The following OR2L13 variants were observed in gnomAD, a reference collection of about 807,000 sequenced individuals.
OR2L13 encodes the protein olfactory receptor family 2 subfamily L member 13.
In OR2L13, 14 loss-of-function variants were observed where a neutral mutation model predicts 15.3. The ratio of observed to expected loss-of-function variants is 0.91; its 90% CI spans 0.60 to 1.43. OR2L13 has a LOEUF of 1.43. OR2L13 is among the 40% of genes most tolerant of loss of function. The pLI is 0.00. For synonymous variants in OR2L13, 152 were observed against 142.9 expected (o/e 1.06, Z -0.45); for missense variants, 367 against 387.9 (o/e 0.95, Z 0.45).
chr1:248,043,661 A>G, the OR2L13 span, among the ~76,000 whole-genome samples: 11 of 152,186 alleles, frequency 7.2e-5, no homozygotes, highest in African/African-American at 2.7e-4. Flanking sequence ...GGGTTCATGG[A>G]TCCTGCACAA....
the OR2L13 span, among the ~76,000 whole-genome samples, chr1:248,024,781 C>G: frequency 3.8e-4 from 58 of 152,230 alleles, no homozygotes; most frequent in African/African-American, 1.3e-3. Flanking sequence ...TGTTTTGATA[C>G]CAGTACCACG....
the OR2L13 span, among the ~76,000 whole-genome samples, chr1:247,975,820 A>G: frequency 6.6e-6 from 1 of 152,172 alleles, no homozygotes; most frequent in African/African-American, 2.4e-5. Context: ...ATATTCTAAG[A>G]CATCTATGTT....
At chr1:248,099,403 G>A (rs1399608431) in exon 3 of OR2L13, 2 of 1,612,672 alleles carry the variant, frequency 1.2e-6, no homozygotes, top group Non-Finnish European at 1.7e-6. Context: ...CACTTCAAAT[G>A]ATTTCATTTT....
the OR2L13 span, among the ~76,000 whole-genome samples, chr1:247,950,313 A>T: frequency 6.6e-3 from 1,005 of 152,302 alleles, 15 homozygotes; most frequent in African/African-American, 0.023. Flanking sequence ...CAGAAGGCTC[A>T]TCAGTGGTTC....
chr1:248,076,398 T>C, the OR2L13 span, among the ~76,000 whole-genome samples: 1 of 152,194 alleles, frequency 6.6e-6, no homozygotes, highest in Non-Finnish European at 1.5e-5. Flanking sequence ...CATTGGTAGC[T>C]TGATGGGGAT....
At chr1:247,977,473 CT>C in the OR2L13 span, among the ~76,000 whole-genome samples, 3 of 151,958 alleles carry the variant, frequency 2.0e-5, no homozygotes, top group East Asian at 1.9e-4. Flanking sequence ...CCTGTAGATA[CT>C]TTTTTTTAGA....
chr1:247,955,042 C>T, the OR2L13 span, among the ~76,000 whole-genome samples: 1 of 151,892 alleles, frequency 6.6e-6, no homozygotes, highest in African/African-American at 2.4e-5. Flanking sequence ...TGGTGTGCTG[C>T]ACCCATTAAC....
the OR2L13 span, among the ~76,000 whole-genome samples, chr1:247,961,618 A>G: frequency 1.6e-4 from 25 of 152,190 alleles, no homozygotes; most frequent in African/African-American, 5.8e-4. Flanking sequence ...GGGATCATGG[A>G]CAATATTGGG....
the OR2L13 span, among the ~76,000 whole-genome samples, chr1:248,076,164 T>C: frequency 0.04 from 6,045 of 152,104 alleles, 401 homozygotes; most frequent in African/African-American, 0.14. Context: ...TGTAGATGTA[T>C]GGCATTATTT....
chr1:248,000,101 TTTTC>T, the OR2L13 span, among the ~76,000 whole-genome samples: 3 of 149,452 alleles, frequency 2.0e-5, no homozygotes, highest in Non-Finnish European at 3.0e-5. Context: ...AGCTTTTTCT[TTTTC>T]TTTCTTTTTT....
chr1:247,989,815 A>G, the OR2L13 span, among the ~76,000 whole-genome samples: 1 of 152,188 alleles, frequency 6.6e-6, no homozygotes, highest in Non-Finnish European at 1.5e-5. Context: ...AATTCCACAA[A>G]TGAGCACTTC....
At chr1:248,035,511 G>C in the OR2L13 span, 1 of 152,090 alleles carries the variant, frequency 6.6e-6, no homozygotes. Flanking sequence ...ATTCTTAACT[G>C]TGACATAATT....
At chr1:248,040,222 CA>C in the OR2L13 span, 1 of 152,220 alleles carries the variant, frequency 6.6e-6, no homozygotes, top group African/African-American at 2.4e-5. Context: ...TTAAAAGGAT[CA>C]ACATTATTTC....
At chr1:247,986,347 C>A in the OR2L13 span, among the ~76,000 whole-genome samples, 5,856 of 151,926 alleles carry the variant, frequency 0.039, 343 homozygotes, top group African/African-American at 0.13. Flanking sequence ...CAGTTTTCCC[C>A]GCACCATTTA....
the OR2L13 span, among the ~76,000 whole-genome samples, chr1:248,013,503 C>T: frequency 6.6e-6 from 1 of 152,068 alleles, no homozygotes; most frequent in African/African-American, 2.4e-5. Context: ...TGAATACCAG[C>T]AAAACAACTG....
rs748020686 is a variant in OR2L13, at chr1:248,099,844, GCA to G, written c.476_477del (p.Thr159SerfsTer12). 1.4e-5 allele frequency: 23 copies of G among 1,613,978 alleles called. No individual in the cohort carries two copies. The highest frequency in any genetic ancestry group is 2.2e-5 in the East Asian group (1 of 44,862). The stretch of plus-strand genomic sequence containing the variant: ...GACACTGGGGTCCATCAACTCCTTG[GCA>G]CACACAGTCTTTGCCCTTCATATTC... On this transcript the variant is annotated frameshift_variant, in exon 3 of 3. Coordinates refer to ENST00000641714, the Ensembl canonical transcript of OR2L13. LOFTEE classifies it high-confidence loss of function.
the OR2L13 span, among the ~76,000 whole-genome samples, chr1:248,078,405 G>A: frequency 3.9e-5 from 6 of 152,082 alleles, no homozygotes; most frequent in East Asian, 1.9e-4. Flanking sequence ...ACCAGGAGGC[G>A]GAAGTTGCAG....
At chr1:248,058,652 AT>A in the OR2L13 span, among the ~76,000 whole-genome samples, 1 of 151,212 alleles carries the variant, frequency 6.6e-6, no homozygotes, top group African/African-American at 2.4e-5. Flanking sequence ...TTTATATAAT[AT>A]TTTTCAGGAA....
the OR2L13 span, among the ~76,000 whole-genome samples, chr1:248,085,265 T>C: frequency 1.3e-5 from 2 of 151,636 alleles, no homozygotes; most frequent in Non-Finnish European, 2.9e-5. Context: ...GCAGAACTCA[T>C]GGATAAAAAA....
Sources: gnomAD v4.1 joint callset for allele counts (sites outside exome capture counted in the v4.1 genomes callset) on GRCh38, gnomAD v4.1.1 for gene constraint, MANE v1.5 for transcripts, NCBI Gene and HGNC (gene_info 2026-07-23, HGNC 2026-07-21) for gene names.